Variants in ZBTB7B observed in about 807,000 individuals in gnomAD.
ZBTB7B encodes zinc finger and BTB domain-containing protein 7B.
Under a neutral mutation model 31.0 loss-of-function variants are expected in ZBTB7B, and 8 were observed. The observed-to-expected ratio is 0.26, with a 90% CI of 0.15 to 0.47. ZBTB7B has a LOEUF of 0.47. Among genes scored for constraint, ZBTB7B ranks in the 20% least tolerant of loss-of-function variants. The pLI is 0.99. For missense variants in ZBTB7B, 494 were observed against 742.4 expected (o/e 0.67, Z 3.89); for synonymous variants, 261 against 307.3 (o/e 0.85, Z 1.58).
chr1:155,018,386 C>T lies in ZBTB7B; in HGVS notation c.*1701C>T. The T allele has an allele frequency of 1.4e-6, 1 of 733,602 alleles. No individual in the cohort carries two copies. Among genetic ancestry groups the T allele is most frequent in the Non-Finnish European group, 2.2e-6 (1 of 457,862 alleles). 45.4% of individuals were successfully genotyped at this position (733,602 alleles called of 1,614,324 possible). A position where few individuals can be genotyped will look rare whatever the true frequency, so the allele number is the denominator to read the frequency against. On this transcript the variant is annotated 3_prime_UTR_variant, in exon 3 of 3. Coordinates refer to ENST00000535420, the MANE Select transcript of ZBTB7B (RefSeq NM_001256455.2). ...CAGAAAGTGGGGACAATGTGGCCTC[C>T]CTTCTCCCTACTTTCGGCTTTCCCA... is the stretch of plus-strand genomic sequence containing the variant.
Position 155,015,785 on chromosome 1 carries a change from C to T in ZBTB7B, c.1125C>T (p.Ala375=), listed in dbSNP as rs765630504. ...CCCACACAGGCGAGAAGCCCTTTGC[C>T]TGCGAGGTCTGCGGTGTTCGATTCA... ...MRTHTGEKPF[A]CEVCGVRFTR... The change falls in exon 2 of 3, where the codon GCC becomes GCT. Residue 375 remains alanine (A), a synonymous_variant. Transcript: ENST00000535420. 1.5e-5 allele frequency: 24 copies of T among 1,612,068 alleles called. No homozygotes were observed. In the Admixed American group the frequency reaches 4.0e-4, roughly 27 times the overall value.
chr1:155,008,995 G>A (rs897097963), intron 1 of ZBTB7B, among the ~76,000 whole-genome samples: 1 of 152,254 alleles, frequency 6.6e-6, no homozygotes. Flanking sequence ...AGGTGAGTAG[G>A]CCCTGCTCTG....
rs1553257660 is a variant in ZBTB7B, at chr1:155,017,348, G to GGGGGCAGTAGAGGGCA, written c.*677_*678insCAGGGGCAGTAGAGGG. The GGGGGCAGTAGAGGGCA allele has an allele frequency of 1.9e-5, 2 of 104,936 alleles. No individual in the cohort carries two copies. Among genetic ancestry groups the GGGGGCAGTAGAGGGCA allele is most frequent in the Non-Finnish European group, 4.6e-5 (2 of 43,496 alleles). The allele number at this position is 104,936 out of a possible 1,614,324, so 6.5% of individuals were successfully genotyped here. The stretch of plus-strand genomic sequence containing the variant: ...TGGCCTGATTGGCTCGCCTGCCCCT[G>GGGGGCAGTAGAGGGCA]GGGGCAGTAGAGGGGCCCCGCCCAG... On this transcript the variant is annotated 3_prime_UTR_variant, in exon 3 of 3. Transcript: ENST00000535420.
chr1:155,008,447 C>T (rs1658704182), intron 1 of ZBTB7B, among the ~76,000 whole-genome samples: 1 of 152,116 alleles, frequency 6.6e-6, no homozygotes, highest in African/African-American at 2.4e-5. Flanking sequence ...CCCCATCCCA[C>T]ATACTCTGAG....
intron 1 of ZBTB7B, among the ~76,000 whole-genome samples, chr1:155,006,957 C>T (rs1246859271): frequency 6.6e-6 from 1 of 152,202 alleles, no homozygotes; most frequent in Non-Finnish European, 1.5e-5. Flanking sequence ...GAGGAGAACC[C>T]AGAGCTTCTC....
intron 1 of ZBTB7B, chr1:155,011,086 G>C: frequency 7.5e-7 from 1 of 1,325,796 alleles, no homozygotes; most frequent in Non-Finnish European, 1.0e-6. Context: ...TATTTTCTCT[G>C]CTGCTAATCC....
intron 1 of ZBTB7B, among the ~76,000 whole-genome samples, chr1:155,009,260 C>T (rs750678634): frequency 6.6e-6 from 1 of 152,064 alleles, no homozygotes; most frequent in Admixed American, 6.5e-5. Flanking sequence ...TGGCAGAGAG[C>T]CGGGCTCCGG....
At chr1:155,011,562 G>A (rs556756755) in intron 1 of ZBTB7B, among the ~76,000 whole-genome samples, 14 of 152,200 alleles carry the variant, frequency 9.2e-5, no homozygotes, top group African/African-American at 1.9e-4. Context: ...GGGGGGTGGC[G>A]GGAAAGAGGG....
At chr1:155,007,355 G>A (rs944154470) in intron 1 of ZBTB7B, among the ~76,000 whole-genome samples, 7 of 152,320 alleles carry the variant, frequency 4.6e-5, no homozygotes, top group African/African-American at 1.7e-4. Context: ...GGATCAAAGG[G>A]CAGAGAGCAG....
rs970648985 is a variant in ZBTB7B at position 155,010,845 on chromosome 1, G to C, written c.-6-3810G>C. 2.4e-5 allele frequency: 31 copies of C among 1,284,364 alleles called. No individual in the cohort carries two copies. In the African/African-American group the frequency reaches 2.7e-4, roughly 11 times the overall value. 79.6% of individuals were successfully genotyped at this position (1,284,364 alleles called of 1,614,324 possible). ...GAGGGAGAAAGGAGACAGAAGTAAG[G>C]GGGAGGGGTGGCCAGCCAAGGCACC... On this transcript the variant is annotated intron_variant, in intron 1 of 2. Transcript: ENST00000535420.
chr1:155,003,700 C>A lies in ZBTB7B; in HGVS notation c.-7+757C>A, dbSNP rs955094131. ...TTCTCCTACCTACTACCCGTCCCCC[C>A]ACCGGCGCCGGCGCACCTGCCCCAG... is the stretch of plus-strand genomic sequence containing the variant. On this transcript the variant is annotated intron_variant, in intron 1 of 2. Transcript: ENST00000535420. This position sits in a 1 kb window ranked among gnomAD's most constrained non-coding sequence, Gnocchi z 5.8. Among the ~76,000 whole-genome samples, 18 of 152,374 alleles carry A rather than the reference C, an allele frequency of 1.2e-4. No individual in the cohort carries two copies. Among genetic ancestry groups the A allele is most frequent in the Non-Finnish European group, 2.1e-4 (14 of 68,034 alleles).
intron 1 of ZBTB7B, chr1:155,010,802 A>G: frequency 1.2e-6 from 1 of 829,248 alleles, no homozygotes. Context: ...CTGAGGCTGG[A>G]GTTGGGGTGG....
At position 155,015,063 on chromosome 1, in the gene ZBTB7B, G is replaced by A. The variant is rs747988506; in HGVS notation, c.403G>A (p.Ala135Thr). The A allele has an allele frequency of 6.2e-6, 10 of 1,613,804 alleles. No individual in the cohort carries two copies. The highest frequency in any genetic ancestry group is 1.6e-4 in the Middle Eastern group (1 of 6,062). ...ARLLEIPCVI[A>T]ACMEILQGSG... ...CCTGCTGGAGATCCCGTGTGTCATCGCTGCTTGCATGGAGATTCTGCAGGG... is the reference window on the plus strand; with the variant it reads ...CCTGCTGGAGATCCCGTGTGTCATCACTGCTTGCATGGAGATTCTGCAGGG... The change falls in exon 2 of 3, where the codon GCT becomes ACT. Residue 135 changes from alanine (A) to threonine (T), a missense_variant. Physicochemically the swap from Ala to Thr is moderately conservative, Grantham distance 58. Transcript: ENST00000535420.
Position 155,015,856 on chromosome 1 carries a change from A to T in ZBTB7B, c.1154+42A>T. ...GAAGGGCCCGGCAGGGGCCATGGGT[A>T]GGGGACAGGGTGGGAGGAGATGGGG... On this transcript the variant is annotated intron_variant, in intron 2 of 2. Coordinates refer to ENST00000535420, the MANE Select transcript of ZBTB7B (RefSeq NM_001256455.2). 1.9e-6 allele frequency: 3 copies of T among 1,587,862 alleles called. No individual in the cohort carries two copies. The South Asian group carries it at 3.4e-5, about 18-fold the overall frequency.
Position 155,017,359 on chromosome 1 carries a change from AGG to A in ZBTB7B, c.*677_*678del, listed in dbSNP as rs925665568. The stretch of plus-strand genomic sequence containing the variant: ...GCTCGCCTGCCCCTGGGGGCAGTAG[AGG>A]GGCCCCGCCCAGCTAGGGGAGCCGC... On this transcript the variant is annotated 3_prime_UTR_variant, in exon 3 of 3. Transcript: ENST00000535420. The A allele has an allele frequency of 2.0e-5, 3 of 152,222 alleles. No homozygotes were observed. The highest frequency in any genetic ancestry group is 2.9e-5 in the Non-Finnish European group (2 of 68,280). The allele number at this position is 152,222 out of a possible 1,614,324, so 9.4% of individuals were successfully genotyped here.
chr1:155,005,268 A>C (rs1293077421), intron 1 of ZBTB7B, among the ~76,000 whole-genome samples: 2 of 152,118 alleles, frequency 1.3e-5, no homozygotes, highest in Non-Finnish European at 2.9e-5. Context: ...GGAGAGAAGC[A>C]AATGAAAGCA....
rs2242195 is a variant in ZBTB7B, at chr1:155,016,481, A to C, written c.1416A>C (p.Pro472=). Residue 472 remains proline (P), a synonymous_variant, in exon 3 of 3, where the codon CCA becomes CCC. Coordinates refer to ENST00000535420, the MANE Select transcript of ZBTB7B (RefSeq NM_001256455.2). This position sits in a 1 kb window ranked among gnomAD's most constrained non-coding sequence, Gnocchi z 4.3. ...AGGACGATGCACCACCCCACTACCC[A>C]CCACCCTCTACCGCTGCTGCATCCC... ...RRKDDAPPHY[P]PPSTAAASPA... is the part of the protein sequence containing the mutation. 6.2e-7 allele frequency: 1 copy of C among 1,613,464 alleles called. No homozygotes were observed. The highest frequency in any genetic ancestry group is 1.3e-5 in the African/African-American group (1 of 74,758).
intron 2 of ZBTB7B, 152 bp downstream of exon 2, chr1:155,015,966 G>T: frequency 9.2e-7 from 1 of 1,083,772 alleles, no homozygotes; most frequent in Non-Finnish European, 1.3e-6. Context: ...GAGAGCAGAA[G>T]AAAACAAGCC....
At chr1:155,008,864 A>G (rs1401479791) in intron 1 of ZBTB7B, among the ~76,000 whole-genome samples, 1 of 150,832 alleles carries the variant, frequency 6.6e-6, no homozygotes, top group African/African-American at 2.4e-5. Flanking sequence ...GCCCCTTTGA[A>G]GGAGGGAGCT....
Sources: allele counts gnomAD v4.1 joint callset (sites outside exome capture counted in the v4.1 genomes callset), GRCh38; gene constraint gnomAD v4.1.1; non-coding constraint Gnocchi (gnomAD v3.1); transcripts MANE v1.5; gene names NCBI Gene and HGNC (gene_info 2026-07-23, HGNC 2026-07-21).